RRN3: variants seen among roughly 807,000 people sequenced by gnomAD.
RRN3 encodes RNA polymerase I transcription factor RRN3, also known as RNA polymerase I-specific transcription initiation factor RRN3.
In RRN3, 38 loss-of-function variants were observed where a neutral mutation model predicts 82.3. The ratio of observed to expected loss-of-function variants is 0.46; its 90% CI spans 0.36 to 0.61. The LOEUF (loss-of-function observed/expected upper bound fraction) is 0.61, where lower values mean the gene tolerates loss of function less well. Ranked by LOEUF, RRN3 falls within the 20% of genes least tolerant of loss-of-function variation. RRN3 has a pLI of 0.00. For synonymous variants in RRN3, 284 were observed against 284.3 expected, an observed-to-expected ratio of 1.00 and a Z score of 0.01; for missense variants, 726 against 793.1, an observed-to-expected ratio of 0.92 and a Z score of 1.02.
chr16:15,086,357 G>A lies in RRN3; in HGVS notation c.342+8C>T. On this transcript the variant is annotated splice_region_variant and intron_variant, in intron 4 of 17. Coordinates refer to ENST00000198767, the MANE Select transcript of RRN3 (RefSeq NM_018427.5). The stretch of plus-strand genomic sequence containing the variant: ...CATACTTTACAGTAAAATAAATGGT[G>A]AACTTACTAATATAATACTGATAAG... 2 of 1,613,434 alleles carry A rather than the reference G, an allele frequency of 1.2e-6. No homozygotes were observed. Among genetic ancestry groups the A allele is most frequent in the Non-Finnish European group, 1.7e-6 (2 of 1,179,554 alleles).
At chr16:15,061,964 C>T in intron 17 of RRN3, 59 bp from the exon 18 acceptor site, 1 of 1,490,436 alleles carries the variant, frequency 6.7e-7, no homozygotes, top group Middle Eastern at 1.7e-4. Context: ...AAGCTTTCAA[C>T]AATTCCTTCC....
At position 15,061,715 on chromosome 16, in the gene RRN3, T is replaced by C. The variant is rs752427762; in HGVS notation, c.*29A>G. The stretch of plus-strand genomic sequence containing the variant: ...ATGACAAGTGATGGGGAATCCCAAA[T>C]GTCACATCTCAGTCACAAATTTCTG... On this transcript the variant is annotated 3_prime_UTR_variant, in exon 18 of 18. Transcript: ENST00000198767. 17 of 1,594,650 alleles carry C rather than the reference T, an allele frequency of 1.1e-5. 1 individual carries two copies. The East Asian group carries it at 1.8e-4, about 17-fold the overall frequency.
intron 1 of RRN3, chr16:15,093,902 GAA>G: frequency 1.9e-6 from 1 of 531,888 alleles, no homozygotes. Context: ...GGGAAATCAC[GAA>G]GAGACACAGT....
Position 15,083,521 on chromosome 16 carries a change from T to C in RRN3, c.658A>G (p.Arg220Gly). 3 of 1,608,838 alleles carry C rather than the reference T, an allele frequency of 1.9e-6. No homozygotes were observed. The highest frequency in any genetic ancestry group is 1.7e-6 in the Non-Finnish European group (2 of 1,179,024). The change falls in exon 8 of 18, where the codon AGA becomes GGA. Residue 220 changes from arginine (R) to glycine (G), a missense_variant. Arg to Gly is a moderately radical substitution (Grantham distance 125, BLOSUM62 -2). Coordinates refer to ENST00000198767, the MANE Select transcript of RRN3 (RefSeq NM_018427.5). ...ATGAAAAGATTTCTTACCAGTGTTC[T>C]CTCTGATTTTCGAACAAATGGAAAT... ...EKFPFVRKSE[R>G]TLECYVHNLL...
At chr16:15,070,302 C>A (rs571309875) in intron 13 of RRN3, 48 bp from the exon 14 acceptor site, 1 of 1,603,732 alleles carries the variant, frequency 6.2e-7, no homozygotes, top group Non-Finnish European at 8.5e-7. Context: ...ATAAAAAAAC[C>A]AGAATAACAT....
intron 11 of RRN3, among the ~76,000 whole-genome samples, chr16:15,074,425 AGT>A (rs2045365880): frequency 6.6e-6 from 1 of 152,218 alleles, no homozygotes; most frequent in South Asian, 2.1e-4. Flanking sequence ...ATCATTCTTC[AGT>A]GCATTCAGCA....
intron 11 of RRN3, 193 bp downstream of exon 11, chr16:15,074,530 A>C: frequency 2.1e-6 from 1 of 469,798 alleles, no homozygotes; most frequent in East Asian, 3.3e-5. Context: ...AATATAACTC[A>C]GCCAGAATCC....
chr16:15,070,756 C>A (rs1258003774), intron 13 of RRN3, among the ~76,000 whole-genome samples: 1 of 151,836 alleles, frequency 6.6e-6, no homozygotes, highest in Non-Finnish European at 1.5e-5. Context: ...GGTCTATTAC[C>A]TTTAAAAGGG....
intron 13 of RRN3, among the ~76,000 whole-genome samples, chr16:15,070,887 T>C (rs914625174): frequency 7.2e-5 from 11 of 152,174 alleles, no homozygotes; most frequent in Non-Finnish European, 1.3e-4. Flanking sequence ...AATGGATCTT[T>C]AAGTGCAACC....
Position 15,078,816 on chromosome 16 carries a change from T to C in RRN3, c.765+1182A>G, listed in dbSNP as rs544515829. Among the ~76,000 whole-genome samples, 486 of 149,350 alleles carry C rather than the reference T, an allele frequency of 3.3e-3. 4 individuals are homozygous for C. Among genetic ancestry groups the C allele is most frequent in the African/African-American group, 0.011 (469 of 40,882 alleles). On this transcript the variant is annotated intron_variant, in intron 9 of 17. Coordinates refer to ENST00000198767, the MANE Select transcript of RRN3 (RefSeq NM_018427.5). Reference sequence around the variant, plus strand: ...GCCTCCTCTTCGTATTTTTTTCTTTTTTTTTTTTTTTTTGAGACAGAGTCT... The same window carrying C: ...GCCTCCTCTTCGTATTTTTTTCTTTCTTTTTTTTTTTTTGAGACAGAGTCT...
At chr16:15,086,035 T>C (rs2045904622) in intron 5 of RRN3, 94 bp downstream of exon 5, 2 of 1,066,030 alleles carry the variant, frequency 1.9e-6, no homozygotes, top group Non-Finnish European at 2.7e-6. Context: ...GCATCTGGAA[T>C]CTTCCATGGT....
intron 3 of RRN3, among the ~76,000 whole-genome samples, chr16:15,090,952 T>C (rs972536007): frequency 1.1e-4 from 17 of 149,360 alleles, no homozygotes; most frequent in Admixed American, 3.4e-4. Flanking sequence ...GAGGTAGTAA[T>C]CTAATAGAAA....
rs1300941708 is a variant in RRN3 at position 15,086,410 on chromosome 16, G to C, written c.297C>G (p.Ile99Met). The change falls in exon 4 of 18, where the codon ATC becomes ATG. Residue 99 changes from isoleucine to methionine, a missense_variant. Ile to Met is a conservative substitution (Grantham distance 10). Transcript: ENST00000198767. ...GCTCAAAGTCTTTTGTCAAGTACATGATAGAAGAACGGAATTCTAGCAGCC... is the reference window on the plus strand; with the variant it reads ...GCTCAAAGTCTTTTGTCAAGTACATCATAGAAGAACGGAATTCTAGCAGCC... ...INWLLEFRSS[I>M]MYLTKDFEQL... is the part of the protein sequence containing the mutation. 3.1e-6 allele frequency: 5 copies of C among 1,613,562 alleles called. No individual in the cohort carries two copies. In the African/African-American group the frequency reaches 4.0e-5, roughly 13 times the overall value.
At chr16:15,075,128 T>C (rs2045396567) in intron 10 of RRN3, among the ~76,000 whole-genome samples, 1 of 151,120 alleles carries the variant, frequency 6.6e-6, no homozygotes, top group Non-Finnish European at 1.5e-5. Flanking sequence ...TGCACGCCTG[T>C]AATTCCAGTT....
chr16:15,067,833 C>T (rs2045042411), intron 15 of RRN3, among the ~76,000 whole-genome samples: 1 of 152,152 alleles, frequency 6.6e-6, no homozygotes, highest in Non-Finnish European at 1.5e-5. Flanking sequence ...TCAGGGCTCA[C>T]TGCATCCTTG....
chr16:15,087,015 A>T (rs1236527246), intron 3 of RRN3, among the ~76,000 whole-genome samples: 5 of 152,258 alleles, frequency 3.3e-5, no homozygotes, highest in African/African-American at 1.2e-4. Context: ...CAATCAAATT[A>T]CTGTTCATAG....
In RRN3 at chr16:15,087,179, G is replaced by C. The variant is rs549752312; in HGVS notation, c.253-725C>G. Among the ~76,000 whole-genome samples the C allele has an allele frequency of 5.3e-5, 8 of 152,184 alleles. No homozygotes were observed. In the East Asian group the frequency reaches 1.3e-3, roughly 26 times the overall value. On this transcript the variant is annotated intron_variant, in intron 3 of 17. Coordinates refer to ENST00000198767, the MANE Select transcript of RRN3 (RefSeq NM_018427.5). The stretch of plus-strand genomic sequence containing the variant: ...AAGAAAAAGCCCCTAATTTGTGGAA[G>C]GCTTAGACATATAAATAAAAGCAAC...
At chr16:15,077,528 T>A (rs903388127) in intron 9 of RRN3, among the ~76,000 whole-genome samples, 5 of 152,278 alleles carry the variant, frequency 3.3e-5, no homozygotes, top group African/African-American at 1.2e-4. Flanking sequence ...CCCAGCCATG[T>A]GGAACTGTAA....
chr16:15,063,066 G>A, intron 17 of RRN3, 130 bp downstream of exon 17: 2 of 751,078 alleles, frequency 2.7e-6, no homozygotes, highest in Non-Finnish European at 4.8e-6. Context: ...CTGGTCTCCA[G>A]CAATCCTCTG....
Sources: allele counts gnomAD v4.1 joint callset (sites outside exome capture counted in the v4.1 genomes callset), GRCh38; gene constraint gnomAD v4.1.1; transcripts MANE v1.5; gene names NCBI Gene and HGNC (gene_info 2026-07-23, HGNC 2026-07-21).